The following MAP2K1 variants were observed in gnomAD, a reference collection of about 807,000 sequenced individuals.
MAP2K1 encodes the protein dual specificity mitogen-activated protein kinase kinase 1.
In MAP2K1, 16 loss-of-function variants were observed where a neutral mutation model predicts 46.3. That is an observed-to-expected ratio of 0.35 (90% confidence interval 0.23 to 0.52). The LOEUF is 0.52. Among genes scored for constraint, MAP2K1 ranks in the 20% least tolerant of loss-of-function variants. The pLI, the probability that MAP2K1 is intolerant of heterozygous loss-of-function variation, is 0.94. For synonymous variants in MAP2K1, 183 were observed against 185.6 expected (o/e 0.99, Z 0.11); for missense variants, 263 against 497.1 (o/e 0.53, Z 4.48).
At chr15:66,389,578 T>G (rs2093352004) in intron 1 of MAP2K1, among the ~76,000 whole-genome samples, 3 of 142,672 alleles carry the variant, frequency 2.1e-5, no homozygotes, top group Non-Finnish European at 4.6e-5. Context: ...TGTGGTTTTT[T>G]TTTTTTTTTT....
chr15:66,428,798 T>TTTTA (rs1475952855), intron 1 of MAP2K1, among the ~76,000 whole-genome samples: 4 of 143,254 alleles, frequency 2.8e-5, no homozygotes, highest in Admixed American at 6.9e-5. Context: ...TTTTTTTTTT[T>TTTTA]TGAGACAGGG....
intron 1 of MAP2K1, among the ~76,000 whole-genome samples, chr15:66,419,560 A>G (rs1008945234): frequency 6.6e-6 from 1 of 151,942 alleles, no homozygotes; most frequent in Non-Finnish European, 1.5e-5. Context: ...TATGAAACAC[A>G]TTTTATATAC....
At chr15:66,409,105 C>G (rs1366507853) in intron 1 of MAP2K1, among the ~76,000 whole-genome samples, 1 of 152,106 alleles carries the variant, frequency 6.6e-6, no homozygotes, top group African/African-American at 2.4e-5. Context: ...TCTGTATGCT[C>G]TTCATTGTTC....
At chr15:66,470,098 T>TTTG (rs1892592285) in intron 5 of MAP2K1, among the ~76,000 whole-genome samples, 1 of 40,946 alleles carries the variant, frequency 2.4e-5, no homozygotes, top group African/African-American at 2.4e-4. Context: ...TTTCTTGTTT[T>TTTG]TTTTTTTTTT....
intron 5 of MAP2K1, 24 bp downstream of exon 5, chr15:66,444,731 T>C (rs777892216): frequency 3.7e-6 from 6 of 1,602,656 alleles, no homozygotes; most frequent in Non-Finnish European, 5.1e-6. Flanking sequence ...TGCTAGTTAT[T>C]TTGCTTTGAA....
chr15:66,488,702 C>T (rs1307355244), intron 8 of MAP2K1: 1 of 191,158 alleles, frequency 5.2e-6, no homozygotes, highest in Non-Finnish European at 1.1e-5. Flanking sequence ...CTCTAGGGCT[C>T]AGAAAAGGGA....
At chr15:66,448,643 G>A (rs1891943628) in intron 5 of MAP2K1, among the ~76,000 whole-genome samples, 1 of 152,178 alleles carries the variant, frequency 6.6e-6, no homozygotes, top group Non-Finnish European at 1.5e-5. Flanking sequence ...CTTATAGCTT[G>A]TACATATGGT....
chr15:66,423,128 C>T (rs534036279), intron 1 of MAP2K1, among the ~76,000 whole-genome samples: 4 of 152,154 alleles, frequency 2.6e-5, no homozygotes, highest in Non-Finnish European at 5.9e-5. Context: ...GTCGACCTAT[C>T]TTCAGGGTCA....
intron 2 of MAP2K1, among the ~76,000 whole-genome samples, chr15:66,436,363 G>C (rs2093488107): frequency 6.6e-6 from 1 of 152,238 alleles, no homozygotes; most frequent in Non-Finnish European, 1.5e-5. Context: ...GCTCAAGGAA[G>C]AATCTTTTGG....
At chr15:66,404,813 A>C (rs549225298) in intron 1 of MAP2K1, among the ~76,000 whole-genome samples, 1 of 152,270 alleles carries the variant, frequency 6.6e-6, no homozygotes, top group Admixed American at 6.5e-5. Context: ...GTGGTTCCTG[A>C]GGCACAGAGG....
At chr15:66,406,149 G>C (rs1009750251) in intron 1 of MAP2K1, among the ~76,000 whole-genome samples, 2 of 152,240 alleles carry the variant, frequency 1.3e-5, no homozygotes, top group Non-Finnish European at 2.9e-5. Flanking sequence ...CAGGCACTGG[G>C]TTGCAACATG....
chr15:66,443,508 G>A, intron 4 of MAP2K1, 151 bp downstream of exon 4: 1 of 666,872 alleles, frequency 1.5e-6, no homozygotes, highest in Non-Finnish European at 2.7e-6. Context: ...CCTGTCTGGA[G>A]TCTATATACA....
intron 7 of MAP2K1, 108 bp from the exon 8 acceptor site, chr15:66,487,120 T>G: frequency 1.1e-6 from 1 of 884,560 alleles, no homozygotes; most frequent in Non-Finnish European, 1.9e-6. Context: ...TTAATGTTTA[T>G]TGTCCATGAC....
chr15:66,437,163 T>C (rs2093490560), intron 3 of MAP2K1, among the ~76,000 whole-genome samples: 2 of 152,220 alleles, frequency 1.3e-5, no homozygotes, highest in South Asian at 4.1e-4. Flanking sequence ...TGATTCTGAT[T>C]ACCCTAAGAT....
chr15:66,476,742 G>C (rs1892763010), intron 5 of MAP2K1, among the ~76,000 whole-genome samples: 1 of 152,210 alleles, frequency 6.6e-6, no homozygotes. Flanking sequence ...CCCGCTGGAG[G>C]AGTGCTGGTT....
At chr15:66,426,150 T>C (rs2414904) in intron 1 of MAP2K1, among the ~76,000 whole-genome samples, 1 of 135,882 alleles carries the variant, frequency 7.4e-6, no homozygotes, top group African/African-American at 2.7e-5. Flanking sequence ...TTCTTTTTTT[T>C]TTTTTTTTAA....
chr15:66,453,412 CT>C (rs1892086765), intron 5 of MAP2K1: 1 of 694,910 alleles, frequency 1.4e-6, no homozygotes, highest in Admixed American at 2.0e-5. Flanking sequence ...TCTGTGTGGG[CT>C]GGCCTGGCTG....
At chr15:66,440,872 C>T (rs2093501805) in intron 3 of MAP2K1, among the ~76,000 whole-genome samples, 1 of 152,186 alleles carries the variant, frequency 6.6e-6, no homozygotes, top group Non-Finnish European at 1.5e-5. Context: ...ATGCCCCTTA[C>T]ATTTTGTAAT....
intron 3 of MAP2K1, among the ~76,000 whole-genome samples, chr15:66,438,644 C>T (rs2093495208): frequency 1.3e-5 from 2 of 152,074 alleles, no homozygotes. Context: ...TTTCCAGTGA[C>T]TGCAGGTCAG....
Sources: gnomAD v4.1 joint callset for allele counts (sites outside exome capture counted in the v4.1 genomes callset) on GRCh38, gnomAD v4.1.1 for gene constraint, MANE v1.5 for transcripts, NCBI Gene and HGNC (gene_info 2026-07-23, HGNC 2026-07-21) for gene names.